IYD: variants seen among roughly 807,000 people sequenced by gnomAD.
The protein encoded by IYD is iodotyrosine deiodinase 1.
Under a neutral mutation model 28.4 loss-of-function variants are expected in IYD, and 25 were observed. That is an observed-to-expected ratio of 0.88 (90% CI 0.64 to 1.23). The LOEUF (loss-of-function observed/expected upper bound fraction) is 1.23, where lower values mean the gene tolerates loss of function less well. Ranked by LOEUF, IYD falls within the 50% of genes most tolerant of loss-of-function variation. The pLI is 0.00. For missense variants in IYD, 352 were observed against 357.9 expected, an observed-to-expected ratio of 0.98 and a Z score of 0.13; for synonymous variants, 140 against 130.8, an observed-to-expected ratio of 1.07 and a Z score of -0.48.
chr6:150,391,077 G>A (rs115068046), intron 2 of IYD, among the ~76,000 whole-genome samples: 2,536 of 152,044 alleles, frequency 0.017, 64 homozygotes, highest in African/African-American at 0.058. Context: ...TCTCTACTAA[G>A]TGTAGAAAAA....
At chr6:150,394,394 T>C (rs878865046) in intron 4 of IYD, 139 bp downstream of exon 4, 1 of 863,408 alleles carries the variant, frequency 1.2e-6, no homozygotes, top group Admixed American at 2.0e-5. Flanking sequence ...GAAAACTGAC[T>C]CTGGAAACCT....
intron 1 of IYD, among the ~76,000 whole-genome samples, chr6:150,377,079 C>T (rs114727211): frequency 0.019 from 2,923 of 152,198 alleles, 97 homozygotes; most frequent in African/African-American, 0.067. Context: ...AGGTCAAGTG[C>T]CAAGTGTCAG....
intron 1 of IYD, among the ~76,000 whole-genome samples, chr6:150,375,112 C>T (rs545266550): frequency 1.3e-5 from 2 of 152,334 alleles, no homozygotes; most frequent in East Asian, 3.9e-4. Flanking sequence ...AGCCAGATGT[C>T]ACCTTAATAG....
chr6:150,400,506 C>T lies in IYD; in HGVS notation c.*2269C>T, dbSNP rs567624656. 2 of 152,272 alleles carry T rather than the reference C, an allele frequency of 1.3e-5. No homozygotes were observed. The highest frequency in any genetic ancestry group is 2.1e-4 in the South Asian group (1 of 4,822). 9.4% of individuals were successfully genotyped at this position (152,272 alleles called of 1,614,324 possible). A position where few individuals can be genotyped will look rare whatever the true frequency, so the allele number is the denominator to read the frequency against. ...GTCAATGGAAACTAATCGAGTCTTA[C>T]ACCTAATTTTCAGTTTACAGTAAAT... On this transcript the variant is annotated 3_prime_UTR_variant, in exon 5 of 5. Transcript: ENST00000344419.
At chr6:150,396,529 G>A in intron 4 of IYD, 1 of 677,656 alleles carries the variant, frequency 1.5e-6, no homozygotes, top group East Asian at 2.8e-5. Context: ...GTCTTGAAAA[G>A]GACCAAGATA....
chr6:150,369,299 A>AAC, intron 1 of IYD, 90 bp downstream of exon 1: 1 of 1,287,802 alleles, frequency 7.8e-7, no homozygotes, highest in Non-Finnish European at 1.1e-6. Context: ...GAGAGGAAGA[A>AAC]ACACACACAG....
chr6:150,389,293 C>A, intron 1 of IYD, 59 bp from the exon 2 acceptor site: 1 of 1,286,264 alleles, frequency 7.8e-7, no homozygotes, highest in Non-Finnish European at 1.1e-6. Flanking sequence ...TTCTCCCCAG[C>A]GGTCACCTTA....
intron 2 of IYD, 56 bp downstream of exon 2, chr6:150,389,599 C>T: frequency 2.1e-6 from 3 of 1,407,766 alleles, no homozygotes; most frequent in Non-Finnish European, 3.0e-6. Flanking sequence ...TGGTGTGACT[C>T]CAACAATGGA....
chr6:150,401,443 C>T lies in IYD; in HGVS notation c.*3206C>T, dbSNP rs770239401. 7 of 152,074 alleles carry T rather than the reference C, an allele frequency of 4.6e-5. No homozygotes were observed. Among genetic ancestry groups the T allele is most frequent in the Non-Finnish European group, 8.8e-5 (6 of 68,050 alleles). The allele number at this position is 152,074 out of a possible 1,614,324, so 9.4% of individuals were successfully genotyped here. On this transcript the variant is annotated 3_prime_UTR_variant, in exon 5 of 5. Coordinates refer to ENST00000344419, the MANE Select transcript of IYD (RefSeq NM_203395.3). ...ACGTAAAATCCATTTCAGCCTGCCGCCCCTTGGAATGGAGGGTCTTCTAGG... is the reference window on the plus strand; with the variant it reads ...ACGTAAAATCCATTTCAGCCTGCCGTCCCTTGGAATGGAGGGTCTTCTAGG...
rs1401296617 is a variant in IYD, at chr6:150,390,965, G to A, written c.371-1380G>A. Among the ~76,000 whole-genome samples the A allele has an allele frequency of 3.3e-5, 5 of 152,296 alleles. No individual in the cohort carries two copies. In the South Asian group the frequency reaches 6.2e-4, roughly 19 times the overall value. On this transcript the variant is annotated intron_variant, in intron 2 of 4. Coordinates refer to ENST00000344419, the MANE Select transcript of IYD (RefSeq NM_203395.3). ...TAAGAGTTCTCCAACTGGGCCCAGC[G>A]TGGTGGTTCACACCTGTAATCCCAG...
intron 4 of IYD, chr6:150,396,444 T>C: frequency 2.9e-6 from 2 of 681,986 alleles, no homozygotes; most frequent in Non-Finnish European, 5.3e-6. Context: ...TAAGAGGAAT[T>C]GTTTAATATG....
intron 1 of IYD, chr6:150,370,380 T>C (rs1453429073): frequency 2.4e-5 from 12 of 504,026 alleles, no homozygotes; most frequent in Non-Finnish European, 3.1e-5. Context: ...TGAGCATGCA[T>C]GAGTTTGTGT....
chr6:150,383,919 C>T (rs1777762173), intron 1 of IYD, among the ~76,000 whole-genome samples: 1 of 151,906 alleles, frequency 6.6e-6, no homozygotes, highest in Admixed American at 6.6e-5. Flanking sequence ...TATTTTCTTC[C>T]ATCACACAGC....
chr6:150,388,427 T>C (rs1422455183), intron 1 of IYD, among the ~76,000 whole-genome samples: 2 of 152,340 alleles, frequency 1.3e-5, no homozygotes, highest in South Asian at 4.1e-4. Flanking sequence ...TTCTCTTCAC[T>C]TTGGCCTGCA....
intron 4 of IYD, chr6:150,395,920 A>G (rs966595682): frequency 8.1e-6 from 4 of 494,840 alleles, no homozygotes; most frequent in Non-Finnish European, 1.1e-5. Flanking sequence ...TGAGTCCCCT[A>G]TCAACGGGCA....
chr6:150,386,723 C>T (rs956551281), intron 1 of IYD, among the ~76,000 whole-genome samples: 1 of 151,972 alleles, frequency 6.6e-6, no homozygotes, highest in Admixed American at 6.6e-5. Context: ...ATTATGTTTT[C>T]CCAGTAAATT....
intron 1 of IYD, among the ~76,000 whole-genome samples, chr6:150,371,259 G>A (rs1777230325): frequency 1.3e-5 from 2 of 152,206 alleles, no homozygotes; most frequent in African/African-American, 2.4e-5. Context: ...ACAGTACAAT[G>A]AGGTAGGCAC....
rs1264663008 is a variant in IYD, at chr6:150,396,263, T to G, written c.688-1792T>G. The G allele has an allele frequency of 6.1e-5, 23 of 375,354 alleles. No homozygotes were observed. The East Asian group carries it at 9.2e-4, about 15-fold the overall frequency. 23.3% of individuals were successfully genotyped at this position (375,354 alleles called of 1,614,324 possible). ...GTTAGATGTTAGTGAATATGAAAAC[T>G]TTTTTTTTCAAATTCAAGTTCATGG... is the stretch of plus-strand genomic sequence containing the variant. On this transcript the variant is annotated intron_variant, in intron 4 of 4. Coordinates refer to ENST00000344419, the MANE Select transcript of IYD (RefSeq NM_203395.3).
chr6:150,369,466 G>A (rs1300419622), intron 1 of IYD, among the ~76,000 whole-genome samples: 2 of 152,118 alleles, frequency 1.3e-5, no homozygotes, highest in Non-Finnish European at 2.9e-5. Context: ...AGTTTTCCCT[G>A]GCTACAATTC....
Sources: gnomAD v4.1 joint callset for allele counts (sites outside exome capture counted in the v4.1 genomes callset) on GRCh38, gnomAD v4.1.1 for gene constraint, MANE v1.5 for transcripts, NCBI Gene and HGNC (gene_info 2026-07-23, HGNC 2026-07-21) for gene names.